Variants in WDR48 observed in about 807,000 individuals in gnomAD.
The protein encoded by WDR48 is WD repeat-containing protein 48.
In WDR48, 22 loss-of-function variants were observed where a neutral mutation model predicts 94.0. The ratio of observed to expected loss-of-function variants is 0.23; its 90% CI spans 0.17 to 0.33. The LOEUF (loss-of-function observed/expected upper bound fraction) is 0.33. Ranked by LOEUF, WDR48 falls within the 10% of genes least tolerant of loss-of-function variation. The pLI, the probability that WDR48 is intolerant of heterozygous loss-of-function variation, is 1.00. For missense variants in WDR48, 541 were observed against 813.8 expected, an observed-to-expected ratio of 0.66 and a Z score of 4.08; for synonymous variants, 278 against 280.5, an observed-to-expected ratio of 0.99 and a Z score of 0.09.
At chr3:39,071,568 G>T (rs1029564229) in intron 7 of WDR48, among the ~76,000 whole-genome samples, 2 of 152,188 alleles carry the variant, frequency 1.3e-5, no homozygotes, top group Admixed American at 6.5e-5. Context: ...TTCTATAAAA[G>T]ATGATTTAAG....
At chr3:39,065,355 A>C (rs546706072) in intron 2 of WDR48, among the ~76,000 whole-genome samples, 28 of 152,302 alleles carry the variant, frequency 1.8e-4, no homozygotes, top group South Asian at 8.3e-4. Context: ...CTCCCTCTGC[A>C]TTCAGACCAG....
At chr3:39,074,442 G>A (rs2034106418) in intron 7 of WDR48, among the ~76,000 whole-genome samples, 1 of 152,132 alleles carries the variant, frequency 6.6e-6, no homozygotes, top group South Asian at 2.1e-4. Context: ...ACTTATTTAG[G>A]AAAAAGAGAT....
Position 39,066,405 on chromosome 3 carries a change from T to C in WDR48, c.269-143T>C, listed in dbSNP as rs1202789873. 3 of 697,048 alleles carry C rather than the reference T, an allele frequency of 4.3e-6. No individual in the cohort carries two copies. In the Admixed American group the frequency reaches 9.1e-5, roughly 21 times the overall value. 43.2% of individuals were successfully genotyped at this position (697,048 alleles called of 1,614,324 possible). On this transcript the variant is annotated intron_variant, in intron 3 of 18. Coordinates refer to ENST00000302313, the MANE Select transcript of WDR48 (RefSeq NM_020839.4). The stretch of plus-strand genomic sequence containing the variant: ...AAAAATTGAGGCAATATACAATAGG[T>C]TCTAGAAAGAGCTTTTAGGTATGTT...
At chr3:39,073,858 G>C (rs1457393506) in intron 7 of WDR48, among the ~76,000 whole-genome samples, 1 of 152,186 alleles carries the variant, frequency 6.6e-6, no homozygotes, top group African/African-American at 2.4e-5. Context: ...CCCGTCAGTA[G>C]AATCCAAGAG....
intron 11 of WDR48, among the ~76,000 whole-genome samples, chr3:39,083,860 C>T (rs764089002): frequency 2.0e-5 from 3 of 152,048 alleles, no homozygotes; most frequent in Admixed American, 6.6e-5. Flanking sequence ...AGAAGATGGC[C>T]GACAACTGGG....
At chr3:39,089,416 C>G in intron 16 of WDR48, 98 bp downstream of exon 16, 1 of 1,133,122 alleles carries the variant, frequency 8.8e-7, no homozygotes. Context: ...TTAATAAAAG[C>G]TAGACTCCCA....
At position 39,075,898 on chromosome 3, in the gene WDR48, G is replaced by A. The variant is rs535032033; in HGVS notation, c.897+948G>A. ...TTTTTAGTAGAGATGGGGTTTCACC[G>A]TGTTAGCCAGGATGGTATCGATCTC... On this transcript the variant is annotated intron_variant, in intron 8 of 18. Transcript: ENST00000302313. Among the ~76,000 whole-genome samples the A allele has an allele frequency of 1.7e-4, 26 of 151,984 alleles. No homozygotes were observed. The East Asian group carries it at 1.9e-3, about 11-fold the overall frequency.
intron 10 of WDR48, 54 bp from the exon 11 acceptor site, chr3:39,079,657 T>G: frequency 7.8e-7 from 1 of 1,288,950 alleles, no homozygotes; most frequent in Non-Finnish European, 1.1e-6. Flanking sequence ...TACCACACCA[T>G]GAATTTAAAT....
chr3:39,093,613 G>A (rs546087901), intron 17 of WDR48, among the ~76,000 whole-genome samples: 5 of 152,200 alleles, frequency 3.3e-5, no homozygotes, highest in Non-Finnish European at 7.3e-5. Context: ...TGAGATTATA[G>A]GCGTGAGCCA....
intron 17 of WDR48, among the ~76,000 whole-genome samples, chr3:39,092,908 A>ACACAC (rs2035158842): frequency 1.9e-5 from 2 of 106,524 alleles, no homozygotes; most frequent in African/African-American, 1.1e-4. Context: ...CACACACACA[A>ACACAC]TTATTTTAAA....
chr3:39,087,206 G>A (rs1483041734), intron 14 of WDR48, among the ~76,000 whole-genome samples: 1 of 152,228 alleles, frequency 6.6e-6, no homozygotes, highest in Non-Finnish European at 1.5e-5. Context: ...TGGCACTTGA[G>A]TTGGTATCAC....
At chr3:39,076,631 A>G (rs2034238736) in intron 8 of WDR48, among the ~76,000 whole-genome samples, 1 of 152,242 alleles carries the variant, frequency 6.6e-6, no homozygotes, top group Non-Finnish European at 1.5e-5. Flanking sequence ...ATACATGCAC[A>G]TAAACATATT....
At chr3:39,067,189 A>G (rs59722644) in intron 5 of WDR48, among the ~76,000 whole-genome samples, 12,557 of 152,256 alleles carry the variant, frequency 0.082, 733 homozygotes, top group African/African-American at 0.16. Context: ...TATCTCCCAC[A>G]GCATTCCCTG....
intron 12 of WDR48, 21 bp downstream of exon 12, chr3:39,084,283 T>A: frequency 6.6e-7 from 1 of 1,512,000 alleles, no homozygotes; most frequent in African/African-American, 1.4e-5. Context: ...AATTGATACT[T>A]GTATGATTTG....
chr3:39,081,944 AC>A (rs1449973588), intron 11 of WDR48, among the ~76,000 whole-genome samples: 1 of 152,226 alleles, frequency 6.6e-6, no homozygotes, highest in Non-Finnish European at 1.5e-5. Context: ...GGTGTAATAG[AC>A]GTGGCTAAAC....
At chr3:39,086,241 T>G (rs2034804396) in intron 14 of WDR48, 1 of 152,262 alleles carries the variant, frequency 6.6e-6, no homozygotes, top group Non-Finnish European at 1.5e-5. Flanking sequence ...TTGGCTCAGT[T>G]TGATCAAAGG....
intron 11 of WDR48, among the ~76,000 whole-genome samples, chr3:39,082,688 A>G (rs2034600564): frequency 2.0e-5 from 3 of 152,220 alleles, no homozygotes; most frequent in Non-Finnish European, 4.4e-5. Context: ...TAGGGAATGT[A>G]AGATGAAAAA....
rs1315606391 is a variant in WDR48 at position 39,089,125 on chromosome 3, TTA to T, written c.1581-104_1581-103del. The T allele has an allele frequency of 8.4e-6, 8 of 956,418 alleles. No homozygotes were observed. The African/African-American group carries it at 1.1e-4, about 14-fold the overall frequency. The allele number at this position is 956,418 out of a possible 1,614,324, so 59.2% of individuals were successfully genotyped here. ...TATTTCCTCAGCTGTCAAGTGGGGGTTATCCTACATGAAAACCATGAGGGTTC... is the reference window on the plus strand; with the variant it reads ...TATTTCCTCAGCTGTCAAGTGGGGGTTCCTACATGAAAACCATGAGGGTTC... On this transcript the variant is annotated intron_variant, in intron 15 of 18. Transcript: ENST00000302313.
At chr3:39,070,175 G>T (rs947016373) in intron 7 of WDR48, among the ~76,000 whole-genome samples, 1 of 152,204 alleles carries the variant, frequency 6.6e-6, no homozygotes, top group Non-Finnish European at 1.5e-5. Context: ...ATAATGCTCA[G>T]AGTGAACATT....
Sources: allele counts gnomAD v4.1 joint callset (sites outside exome capture counted in the v4.1 genomes callset), GRCh38; gene constraint gnomAD v4.1.1; transcripts MANE v1.5; gene names NCBI Gene and HGNC (gene_info 2026-07-23, HGNC 2026-07-21).